Variants in CFAP299 observed in about 807,000 individuals in gnomAD.
CFAP299 encodes the protein cilia- and flagella-associated protein 299.
Under a neutral mutation model 27.0 loss-of-function variants are expected in CFAP299, and 21 were observed. The ratio of observed to expected loss-of-function variants is 0.78; its 90% CI spans 0.55 to 1.12. CFAP299 has a LOEUF of 1.12. Among genes scored for constraint, CFAP299 ranks in the 50% most tolerant of loss-of-function variants. The pLI, the probability that CFAP299 is intolerant of heterozygous loss-of-function variation, is 0.00. For synonymous variants in CFAP299, 104 were observed against 98.1 expected (o/e 1.06, Z -0.36); for missense variants, 310 against 276.6 (o/e 1.12, Z -0.86).
chr4:80,512,932 G>GT, intron 2 of CFAP299, among the ~76,000 whole-genome samples: 1 of 151,920 alleles, frequency 6.6e-6, no homozygotes, highest in Admixed American at 6.6e-5. Context: ...ATAATAACAT[G>GT]TTTTTAAAGT....
intron 3 of CFAP299, among the ~76,000 whole-genome samples, chr4:80,788,096 G>A (rs921386664): frequency 6.6e-6 from 1 of 151,868 alleles, no homozygotes; most frequent in Non-Finnish European, 1.5e-5. Flanking sequence ...AGTCCCTAGG[G>A]GATGTCAATG....
In CFAP299 at chr4:80,963,698, T is replaced by C. The variant is rs1738470567; in HGVS notation, c.*86T>C. On this transcript the variant is annotated 3_prime_UTR_variant, in exon 6 of 6. Coordinates refer to ENST00000358105, the MANE Select transcript of CFAP299 (RefSeq NM_152770.3). ...AAATTAGAATAATAAATGAGCCCTGTAGCTGGAAGGCAAATTAGAACAATA... is the reference window on the plus strand; with the variant it reads ...AAATTAGAATAATAAATGAGCCCTGCAGCTGGAAGGCAAATTAGAACAATA... 1 of 808,516 alleles carries C rather than the reference T, an allele frequency of 1.2e-6. No individual in the cohort carries two copies. The highest frequency in any genetic ancestry group is 2.0e-6 in the Non-Finnish European group (1 of 502,834). 50.1% of individuals were successfully genotyped at this position (808,516 alleles called of 1,614,324 possible). A position where few individuals can be genotyped will look rare whatever the true frequency, so the allele number is the denominator to read the frequency against.
At chr4:80,390,842 T>TATATGTATATGTATATATGTATAC (rs1725405399) in intron 2 of CFAP299, among the ~76,000 whole-genome samples, 2 of 127,964 alleles carry the variant, frequency 1.6e-5, no homozygotes, top group African/African-American at 6.8e-5. Flanking sequence ...TATATGTATA[T>TATATGTATATGTATATATGTATAC]ACACATATAT....
At chr4:80,374,145 A>G (rs548177366) in intron 2 of CFAP299, among the ~76,000 whole-genome samples, 10 of 152,252 alleles carry the variant, frequency 6.6e-5, no homozygotes, top group African/African-American at 1.9e-4. Context: ...CCAGAATGCA[A>G]TGCCCTGTGT....
At chr4:80,436,230 T>TG (rs1424944122) in intron 2 of CFAP299, among the ~76,000 whole-genome samples, 3 of 152,046 alleles carry the variant, frequency 2.0e-5, no homozygotes, top group Non-Finnish European at 4.4e-5. Flanking sequence ...AAGCAAGGTG[T>TG]GGCCATGTGA....
rs1737525165 is a variant in CFAP299 at position 80,604,369 on chromosome 4, T to C, written c.333+21186T>C. On this transcript the variant is annotated intron_variant, in intron 3 of 5. Transcript: ENST00000358105. ...GTTTGGCTAGCTGTCAGTAAGATAATTGGAAGTGTATGTGACTAAAAGTTA... is the reference window on the plus strand; with the variant it reads ...GTTTGGCTAGCTGTCAGTAAGATAACTGGAAGTGTATGTGACTAAAAGTTA... Among the ~76,000 whole-genome samples the C allele has an allele frequency of 2.0e-5, 3 of 152,074 alleles. No homozygotes were observed. The South Asian group carries it at 6.2e-4, about 32-fold the overall frequency.
intron 3 of CFAP299, among the ~76,000 whole-genome samples, chr4:80,815,890 G>A (rs1422137295): frequency 1.3e-5 from 2 of 151,690 alleles, no homozygotes; most frequent in Non-Finnish European, 2.9e-5. Flanking sequence ...ATTGAACTAG[G>A]GTTGTTATAG....
At chr4:80,354,062 A>G (rs557622946) in intron 1 of CFAP299, among the ~76,000 whole-genome samples, 1 of 152,312 alleles carries the variant, frequency 6.6e-6, no homozygotes, top group South Asian at 2.1e-4. Flanking sequence ...TATTTATTAC[A>G]CACACAAAGT....
rs180846088 is a variant in CFAP299 at position 80,722,646 on chromosome 4, A to G, written c.333+139463A>G. Among the ~76,000 whole-genome samples the G allele has an allele frequency of 5.8e-3, 882 of 152,234 alleles. 6 individuals carry two copies. Among genetic ancestry groups the G allele is most frequent in the African/African-American group, 0.02 (824 of 41,556 alleles). ...CCGGGCGCTGTGGCTCACGCCTGTAATCCCAGCACTTTGGGAGGCTGAGGC... is the reference window on the plus strand; with the variant it reads ...CCGGGCGCTGTGGCTCACGCCTGTAGTCCCAGCACTTTGGGAGGCTGAGGC... On this transcript the variant is annotated intron_variant, in intron 3 of 5. Transcript: ENST00000358105.
chr4:80,551,706 C>G (rs1489788499), intron 2 of CFAP299, among the ~76,000 whole-genome samples: 1 of 149,954 alleles, frequency 6.7e-6, no homozygotes, highest in Non-Finnish European at 1.5e-5. Flanking sequence ...ATGACTAAGA[C>G]TTTAATTTTT....
At chr4:80,717,393 C>T (rs953090833) in intron 3 of CFAP299, among the ~76,000 whole-genome samples, 4 of 152,130 alleles carry the variant, frequency 2.6e-5, no homozygotes, top group African/African-American at 9.7e-5. Context: ...GTTCCAGCTT[C>T]TCCCATGACA....
At chr4:80,419,639 C>G (rs1233162450) in intron 2 of CFAP299, among the ~76,000 whole-genome samples, 1 of 152,112 alleles carries the variant, frequency 6.6e-6, no homozygotes, top group Non-Finnish European at 1.5e-5. Flanking sequence ...CTGATCATCA[C>G]CTGATGATCT....
At chr4:80,386,232 G>A in intron 2 of CFAP299, 1 of 1,055,082 alleles carries the variant, frequency 9.5e-7, no homozygotes. Flanking sequence ...ATGGGCCCTC[G>A]GCCCCGGCCT....
At chr4:80,898,494 G>A (rs1392373845) in intron 4 of CFAP299, among the ~76,000 whole-genome samples, 2 of 152,060 alleles carry the variant, frequency 1.3e-5, no homozygotes, top group Non-Finnish European at 2.9e-5. Flanking sequence ...TGGGCTATGG[G>A]TGGTTTTGGA....
chr4:80,847,429 C>T (rs34076409), intron 3 of CFAP299, among the ~76,000 whole-genome samples: 34,273 of 152,106 alleles, frequency 0.23, 4,446 homozygotes, highest in African/African-American at 0.35. Flanking sequence ...AACTCTCCCT[C>T]TTGGGAGTAG....
intron 3 of CFAP299, among the ~76,000 whole-genome samples, chr4:80,656,153 C>T (rs758000037): frequency 6.6e-6 from 1 of 151,884 alleles, no homozygotes; most frequent in Non-Finnish European, 1.5e-5. Context: ...AAAATTGATA[C>T]AAATCAAATT....
At chr4:80,709,784 T>C (rs1178793775) in intron 3 of CFAP299, among the ~76,000 whole-genome samples, 3 of 152,172 alleles carry the variant, frequency 2.0e-5, no homozygotes, top group Non-Finnish European at 4.4e-5. Context: ...TTCAACATTG[T>C]GGGAGCACAA....
At chr4:80,613,095 G>A (rs1029544010) in intron 3 of CFAP299, among the ~76,000 whole-genome samples, 1 of 152,074 alleles carries the variant, frequency 6.6e-6, no homozygotes, top group African/African-American at 2.4e-5. Flanking sequence ...AGTAAGCAAG[G>A]CATGGGGAGC....
rs528766351 is a variant in CFAP299, at chr4:80,519,798, C to G, written c.243-63295C>G. ...CATGGCCAAATATGTCAACACTATC[C>G]TGTAACTGCCCTTAAACCTTGGGTA... On this transcript the variant is annotated intron_variant, in intron 2 of 5. Coordinates refer to ENST00000358105, the MANE Select transcript of CFAP299 (RefSeq NM_152770.3). Among the ~76,000 whole-genome samples, 72 of 152,260 alleles carry G rather than the reference C, an allele frequency of 4.7e-4. 1 individual carries two copies. The highest frequency in any genetic ancestry group is 1.6e-3 in the African/African-American group (66 of 41,550).
Sources: gnomAD v4.1 joint callset for allele counts (sites outside exome capture counted in the v4.1 genomes callset) on GRCh38, gnomAD v4.1.1 for gene constraint, MANE v1.5 for transcripts, NCBI Gene and HGNC (gene_info 2026-07-23, HGNC 2026-07-21) for gene names.